Variants in GSTCD observed in about 807,000 individuals in gnomAD.
GSTCD encodes glutathione S-transferase C-terminal domain containing, also known as glutathione S-transferase C-terminal domain-containing protein.
A neutral mutation model predicts 68.3 loss-of-function variants in GSTCD; 44 were observed. That is an observed-to-expected ratio of 0.64 (90% CI 0.51 to 0.83). GSTCD has a LOEUF of 0.83. GSTCD is among the 40% of genes least tolerant of loss of function. The pLI, the probability that GSTCD is intolerant of heterozygous loss-of-function variation, is 0.00. For synonymous variants in GSTCD, 273 were observed against 255.2 expected (o/e 1.07, Z -0.67); for missense variants, 739 against 735.9 (o/e 1.00, Z -0.05).
intron 5 of GSTCD, among the ~76,000 whole-genome samples, chr4:105,748,235 AC>A (rs1267599901): frequency 6.6e-6 from 1 of 152,166 alleles, no homozygotes. Context: ...AGCCTGGGCG[AC>A]AGAGTGAGAC....
intron 5 of GSTCD, among the ~76,000 whole-genome samples, chr4:105,774,758 A>G (rs1235417276): frequency 6.6e-6 from 1 of 152,086 alleles, no homozygotes. Flanking sequence ...GGGTAACCTG[A>G]CCTTTCTCTC....
intron 5 of GSTCD, among the ~76,000 whole-genome samples, chr4:105,785,941 TTGCACC>T (rs149303432): frequency 0.012 from 1,809 of 152,270 alleles, 36 homozygotes; most frequent in African/African-American, 0.041. Context: ...TTAGTTGAAC[TTGCACC>T]TGCAATGAAC....
At chr4:105,822,188 T>C (rs991116286) in intron 5 of GSTCD, among the ~76,000 whole-genome samples, 2 of 152,000 alleles carry the variant, frequency 1.3e-5, no homozygotes, top group African/African-American at 4.8e-5. Context: ...TTTTTATGGA[T>C]TTGACTAGCA....
At chr4:105,748,132 G>A (rs1327190217) in intron 5 of GSTCD, among the ~76,000 whole-genome samples, 5 of 152,064 alleles carry the variant, frequency 3.3e-5, no homozygotes, top group African/African-American at 4.8e-5. Context: ...GTACGTGCCT[G>A]TAGTCCCAGC....
intron 6 of GSTCD, 21 bp from the exon 7 acceptor site, chr4:105,823,210 T>TTG (rs1723400781): frequency 6.2e-7 from 1 of 1,613,552 alleles, no homozygotes; most frequent in African/African-American, 1.3e-5. Context: ...GCTAACTTGT[T>TTG]TGTCTTACTG....
At chr4:105,835,221 G>A (rs547896226) in intron 9 of GSTCD, among the ~76,000 whole-genome samples, 54 of 152,262 alleles carry the variant, frequency 3.5e-4, no homozygotes, top group Non-Finnish European at 7.2e-4. Flanking sequence ...TTGGTGGAGC[G>A]TTTGCCTGAG....
chr4:105,821,838 G>T (rs574540990), intron 5 of GSTCD, among the ~76,000 whole-genome samples: 1 of 151,598 alleles, frequency 6.6e-6, no homozygotes, highest in Admixed American at 6.6e-5. Context: ...AAATGTTATC[G>T]CTGAATTATG....
intron 5 of GSTCD, among the ~76,000 whole-genome samples, chr4:105,805,920 A>C (rs973826451): frequency 6.6e-6 from 1 of 152,076 alleles, no homozygotes; most frequent in Non-Finnish European, 1.5e-5. Context: ...GAAATTTAGA[A>C]TGTCAATCAG....
chr4:105,802,049 A>G (rs544746291), intron 5 of GSTCD, among the ~76,000 whole-genome samples: 2 of 152,234 alleles, frequency 1.3e-5, no homozygotes, highest in East Asian at 3.9e-4. Context: ...TGTAAAATGA[A>G]TATAATGAAG....
chr4:105,760,604 G>A (rs535963897), intron 5 of GSTCD, among the ~76,000 whole-genome samples: 7 of 152,230 alleles, frequency 4.6e-5, no homozygotes, highest in East Asian at 1.9e-4. Context: ...GGTCCAAGCA[G>A]GTCAACCAGG....
intron 5 of GSTCD, among the ~76,000 whole-genome samples, chr4:105,776,909 T>C (rs776492428): frequency 9.2e-5 from 14 of 152,174 alleles, no homozygotes; most frequent in Non-Finnish European, 2.1e-4. Flanking sequence ...ATCTCTACTA[T>C]GCTGCAGTAT....
chr4:105,751,307 A>T (rs1414004218), intron 5 of GSTCD, among the ~76,000 whole-genome samples: 1 of 152,204 alleles, frequency 6.6e-6, no homozygotes, highest in Non-Finnish European at 1.5e-5. Flanking sequence ...TATTTGGAAA[A>T]ATCAGGGAAA....
In GSTCD at chr4:105,747,468, A is replaced by G. The variant is rs536485271; in HGVS notation, c.1240+17969A>G. Among the ~76,000 whole-genome samples the G allele has an allele frequency of 2.7e-3, 417 of 152,282 alleles. 1 individual carries two copies. Among genetic ancestry groups the G allele is most frequent in the Non-Finnish European group, 4.7e-3 (322 of 68,014 alleles). On this transcript the variant is annotated intron_variant, in intron 5 of 11. Coordinates refer to ENST00000515279, the MANE Select transcript of GSTCD (RefSeq NM_001370181.1). ...CTTCTGCTGCTTTGGAAACCACACC[A>G]TGTGAAGTATTACCCTAGGGAACCA...
intron 5 of GSTCD, among the ~76,000 whole-genome samples, chr4:105,809,719 A>G (rs1722676291): frequency 6.6e-6 from 1 of 151,860 alleles, no homozygotes; most frequent in East Asian, 1.9e-4. Flanking sequence ...TGAAATTCTT[A>G]GTATTCTATT....
intron 5 of GSTCD, among the ~76,000 whole-genome samples, chr4:105,773,634 A>T (rs1041377861): frequency 2.0e-5 from 3 of 152,166 alleles, no homozygotes; most frequent in Non-Finnish European, 4.4e-5. Flanking sequence ...GTCACTCAGG[A>T]GCAGGTTGTT....
rs546806727 is a variant in GSTCD, at chr4:105,836,216, C to A, written c.1664+1622C>A. On this transcript the variant is annotated intron_variant, in intron 9 of 11. Coordinates refer to ENST00000515279, the MANE Select transcript of GSTCD (RefSeq NM_001370181.1). ...TGCAACCCTCAGCAAAGAAGAGATA[C>A]AGAGTGGGTAGCTTCTCTCCGCAGG... is the stretch of plus-strand genomic sequence containing the variant. Among the ~76,000 whole-genome samples the A allele has an allele frequency of 9.1e-3, 1,389 of 152,300 alleles. 19 individuals are homozygous for A. The highest frequency in any genetic ancestry group is 0.03 in the African/African-American group (1,238 of 41,554).
intron 1 of GSTCD, chr4:105,711,144 A>T (rs1242075693): frequency 1.3e-5 from 2 of 152,214 alleles, no homozygotes; most frequent in African/African-American, 4.8e-5. Context: ...TTTTCAGCCA[A>T]ATACTGTTGT....
At chr4:105,797,240 C>A (rs1427990861) in intron 5 of GSTCD, among the ~76,000 whole-genome samples, 2 of 151,592 alleles carry the variant, frequency 1.3e-5, no homozygotes, top group African/African-American at 2.4e-5. Flanking sequence ...TTTCTCCTGT[C>A]CTATTTTTTT....
intron 5 of GSTCD, among the ~76,000 whole-genome samples, chr4:105,768,985 A>T (rs1002873355): frequency 6.6e-6 from 1 of 152,000 alleles, no homozygotes; most frequent in African/African-American, 2.4e-5. Flanking sequence ...TATAGAATAT[A>T]TTATTCTCAT....
Sources: gnomAD v4.1 joint callset for allele counts (sites outside exome capture counted in the v4.1 genomes callset) on GRCh38, gnomAD v4.1.1 for gene constraint, MANE v1.5 for transcripts, NCBI Gene and HGNC (gene_info 2026-07-23, HGNC 2026-07-21) for gene names.